Variants in MATN3 observed in about 807,000 individuals in gnomAD.
MATN3 encodes matrilin-3.
A neutral mutation model predicts 45.3 loss-of-function variants in MATN3; 48 were observed. The observed-to-expected ratio is 1.06, with a 90% confidence interval of 0.84 to 1.35. The LOEUF (loss-of-function observed/expected upper bound fraction) is 1.35. MATN3 is among the 40% of genes most tolerant of loss of function. MATN3 has a pLI of 0.00. For missense variants in MATN3, 599 were observed against 628.0 expected (o/e 0.95, Z 0.49); for synonymous variants, 217 against 245.9 (o/e 0.88, Z 1.10).
chr2:20,003,493 T>A (rs907059416), intron 2 of MATN3, among the ~76,000 whole-genome samples: 5 of 152,250 alleles, frequency 3.3e-5, no homozygotes, highest in African/African-American at 1.2e-4. Flanking sequence ...AAAGTACACA[T>A]CTTGCTATAT....
intron 2 of MATN3, among the ~76,000 whole-genome samples, chr2:20,003,832 G>A (rs1005343564): frequency 1.3e-5 from 2 of 152,156 alleles, no homozygotes; most frequent in Non-Finnish European, 2.9e-5. Flanking sequence ...AGGACAGTTC[G>A]GGTAACTGTC....
intron 6 of MATN3, 102 bp from the exon 7 acceptor site, chr2:19,994,511 T>C (rs1672823202): frequency 2.9e-6 from 2 of 695,330 alleles, no homozygotes; most frequent in Non-Finnish European, 4.9e-6. Flanking sequence ...CCGTTAAGAC[T>C]TACCTAAGTG....
intron 5 of MATN3, among the ~76,000 whole-genome samples, chr2:19,998,775 A>AAATAT (rs1553326851): frequency 2.0e-5 from 3 of 150,914 alleles, no homozygotes; most frequent in African/African-American, 7.3e-5. Context: ...AAGAAAAAAA[A>AAATAT]ATATATATAT....
intron 1 of MATN3, among the ~76,000 whole-genome samples, chr2:20,010,972 A>G (rs1673210318): frequency 6.6e-6 from 1 of 152,248 alleles, no homozygotes; most frequent in Non-Finnish European, 1.5e-5. Context: ...AAATAGCAGC[A>G]ATTTGATTCC....
At chr2:20,007,640 C>T (rs1444233241) in intron 1 of MATN3, among the ~76,000 whole-genome samples, 2 of 152,246 alleles carry the variant, frequency 1.3e-5, no homozygotes, top group African/African-American at 4.8e-5. Flanking sequence ...GGTATCTACC[C>T]TACTGCCCCA....
chr2:20,001,121 A>G (rs997344286), intron 4 of MATN3, among the ~76,000 whole-genome samples: 2 of 152,198 alleles, frequency 1.3e-5, no homozygotes, highest in African/African-American at 2.4e-5. Context: ...ATAATTTCAG[A>G]TTTATGAAAA....
Position 19,992,663 on chromosome 2 carries a change from A to T in MATN3, c.*448T>A, listed in dbSNP as rs1276684482. Reference sequence around the variant, plus strand: ...GTTCAAAATTACATTCATCTCAGTTATATGAAGTTGTATGTGTAAATACCT... The same window carrying T: ...GTTCAAAATTACATTCATCTCAGTTTTATGAAGTTGTATGTGTAAATACCT... On this transcript the variant is annotated 3_prime_UTR_variant, in exon 8 of 8. Transcript: ENST00000407540. The T allele has an allele frequency of 6.1e-6, 1 of 162,994 alleles. No individual in the cohort carries two copies. Among genetic ancestry groups the T allele is most frequent in the Non-Finnish European group, 1.3e-5 (1 of 75,580 alleles). The allele number at this position is 162,994 out of a possible 1,614,324, so 10.1% of individuals were successfully genotyped here.
At chr2:20,010,079 A>AAAAAAAAAAAAG (rs1232156276) in intron 1 of MATN3, among the ~76,000 whole-genome samples, 1 of 149,594 alleles carries the variant, frequency 6.7e-6, no homozygotes, top group African/African-American at 2.5e-5. Flanking sequence ...AAAAAAAAAA[A>AAAAAAAAAAAAG]AAAAAAAAAA....
At chr2:20,005,002 G>A (rs1673067340) in intron 2 of MATN3, among the ~76,000 whole-genome samples, 1 of 152,176 alleles carries the variant, frequency 6.6e-6, no homozygotes, top group African/African-American at 2.4e-5. Flanking sequence ...TGTAGTCCTA[G>A]ATTTGGTCAA....
intron 1 of MATN3, among the ~76,000 whole-genome samples, chr2:20,011,634 T>G (rs1343480994): frequency 6.6e-6 from 1 of 152,244 alleles, no homozygotes; most frequent in African/African-American, 2.4e-5. Context: ...TACAATCTTA[T>G]GTAAACCATA....
intron 5 of MATN3, among the ~76,000 whole-genome samples, chr2:19,998,406 G>T (rs1246959602): frequency 6.6e-6 from 1 of 152,060 alleles, no homozygotes; most frequent in African/African-American, 2.4e-5. Flanking sequence ...CCATTAGAAG[G>T]GATCTGATCC....
At chr2:20,001,395 T>A (rs1672980939) in intron 4 of MATN3, among the ~76,000 whole-genome samples, 1 of 152,222 alleles carries the variant, frequency 6.6e-6, no homozygotes. Flanking sequence ...CTTTTATGAC[T>A]TTCACGTTTC....
In MATN3 at chr2:20,003,286, G is replaced by A. The variant is rs370377105; in HGVS notation, c.791C>T (p.Ala264Val). The change falls in exon 3 of 8, where the codon GCG (alanine) becomes GTG (valine). Residue 264 changes from alanine (A) to valine (V), a missense_variant and splice_region_variant. Ala to Val is a moderately conservative substitution (Grantham distance 64, BLOSUM62 0). Coordinates refer to ENST00000407540, the MANE Select transcript of MATN3 (RefSeq NM_002381.5). ...TGTTCCAAGCACACAGGGGTCCAGC[G>A]CTGTGAGAGGAAGTTTACAACAGTC... The part of the protein sequence containing the change: ...LSSRFQETFC[A>V]LDPCVLGTHQ... 1.6e-5 allele frequency: 26 copies of A among 1,610,180 alleles called. No homozygotes were observed. Among genetic ancestry groups the A allele is most frequent in the African/African-American group, 5.3e-5 (4 of 74,828 alleles).
chr2:20,008,604 T>C (rs1042936876), intron 1 of MATN3, among the ~76,000 whole-genome samples: 6 of 152,156 alleles, frequency 3.9e-5, no homozygotes, highest in Non-Finnish European at 8.8e-5. Context: ...AATCTTCCTT[T>C]CAGTAACACT....
intron 4 of MATN3, 70 bp from the exon 5 acceptor site, chr2:20,000,636 C>T: frequency 1.4e-6 from 2 of 1,448,988 alleles, no homozygotes; most frequent in Non-Finnish European, 1.9e-6. Flanking sequence ...GGATAGAAAC[C>T]TTATTTGCAG....
At chr2:19,996,976 A>G (rs1672882968) in intron 6 of MATN3, among the ~76,000 whole-genome samples, 158 bp downstream of exon 6, 1 of 152,210 alleles carries the variant, frequency 6.6e-6, no homozygotes. Context: ...GCTGCCTGGT[A>G]TAGGGGTATC....
At chr2:20,011,242 C>T (rs751625153) in intron 1 of MATN3, among the ~76,000 whole-genome samples, 13 of 152,254 alleles carry the variant, frequency 8.5e-5, no homozygotes, top group African/African-American at 1.4e-4. Flanking sequence ...TCTCCTTCCT[C>T]TTCCAGTCCC....
At chr2:19,997,310 G>A (rs1340996311) in intron 5 of MATN3, 51 bp from the exon 6 acceptor site, 2 of 1,529,756 alleles carry the variant, frequency 1.3e-6, no homozygotes, top group Non-Finnish European at 1.8e-6. Context: ...AAATAGAAAA[G>A]TAAACACAAA....
At chr2:20,000,415 G>A in intron 5 of MATN3, 26 bp downstream of exon 5, 2 of 1,583,122 alleles carry the variant, frequency 1.3e-6, no homozygotes, top group Non-Finnish European at 1.7e-6. Context: ...ACCCAAGTAT[G>A]AAAGAATTTT....
Sources: gnomAD v4.1 joint callset for allele counts (sites outside exome capture counted in the v4.1 genomes callset) on GRCh38, gnomAD v4.1.1 for gene constraint, MANE v1.5 for transcripts, NCBI Gene and HGNC (gene_info 2026-07-23, HGNC 2026-07-21) for gene names.